Variants in CACNB4 observed in about 807,000 individuals in gnomAD.
CACNB4 encodes the protein voltage-dependent L-type calcium channel subunit beta-4.
In CACNB4, 32 loss-of-function variants were observed where a neutral mutation model predicts 71.2. The observed-to-expected ratio is 0.45, with a 90% CI of 0.34 to 0.60. The LOEUF is 0.60. Among genes scored for constraint, CACNB4 ranks in the 20% least tolerant of loss-of-function variants. The pLI is 0.01. For synonymous variants in CACNB4, 231 were observed against 236.9 expected (o/e 0.97, Z 0.23); for missense variants, 464 against 647.9 (o/e 0.72, Z 3.08).
chr2:151,952,799 C>T (rs972481577), intron 2 of CACNB4, among the ~76,000 whole-genome samples: 2 of 152,134 alleles, frequency 1.3e-5, no homozygotes, highest in Non-Finnish European at 2.9e-5. Context: ...AATTGATTCA[C>T]GTTCTGGCAC....
chr2:151,994,477 A>T (rs985139043), intron 2 of CACNB4, among the ~76,000 whole-genome samples: 20 of 149,998 alleles, frequency 1.3e-4, no homozygotes, highest in Non-Finnish European at 8.9e-5. Flanking sequence ...AAGTGCTGAG[A>T]TTACAGGCGT....
At chr2:152,078,446 GC>G (rs1687161456) in intron 2 of CACNB4, among the ~76,000 whole-genome samples, 2 of 152,302 alleles carry the variant, frequency 1.3e-5, no homozygotes, top group East Asian at 3.9e-4. Flanking sequence ...GGCATAGTCT[GC>G]ATAACTGGCT....
chr2:151,872,576 C>A (rs1047058804), intron 5 of CACNB4, 83 bp from the exon 6 acceptor site: 1 of 748,670 alleles, frequency 1.3e-6, no homozygotes, highest in Admixed American at 2.4e-5. Context: ...TTCTTTGGCC[C>A]TCATCCTATT....
intron 4 of CACNB4, among the ~76,000 whole-genome samples, chr2:151,877,495 T>G (rs2151434309): frequency 1.3e-5 from 2 of 152,334 alleles, no homozygotes; most frequent in African/African-American, 4.8e-5. Flanking sequence ...TGCACCAATG[T>G]AACTGGAACT....
intron 2 of CACNB4, among the ~76,000 whole-genome samples, chr2:152,078,281 G>C (rs1179464177): frequency 6.6e-6 from 1 of 152,198 alleles, no homozygotes; most frequent in Non-Finnish European, 1.5e-5. Flanking sequence ...GCTGCAGAGA[G>C]TATGAGGAGG....
intron 2 of CACNB4, among the ~76,000 whole-genome samples, chr2:151,991,578 T>C (rs1453382345): frequency 6.6e-6 from 1 of 151,988 alleles, no homozygotes; most frequent in Non-Finnish European, 1.5e-5. Context: ...AACTGAAAAA[T>C]GGGGTGTGAA....
intron 10 of CACNB4, chr2:151,857,008 C>G (rs769041268): frequency 3.3e-5 from 5 of 152,100 alleles, no homozygotes; most frequent in Non-Finnish European, 5.9e-5. Flanking sequence ...CCATTGTACC[C>G]GGCCTTAAAC....
At chr2:152,082,715 T>C (rs78161708) in intron 2 of CACNB4, among the ~76,000 whole-genome samples, 127 of 152,316 alleles carry the variant, frequency 8.3e-4, no homozygotes, top group African/African-American at 2.9e-3. Flanking sequence ...TCAATAGTTA[T>C]GTGGTGTCCC....
chr2:151,900,987 C>CTTTTTTTTT (rs1559961065), intron 2 of CACNB4, among the ~76,000 whole-genome samples: 2 of 88,724 alleles, frequency 2.3e-5, no homozygotes, highest in Non-Finnish European at 4.6e-5. Context: ...TTCTTTCTTT[C>CTTTTTTTTT]TTTCTTTTTT....
At chr2:151,872,153 T>A (rs1442944467) in intron 6 of CACNB4, 1 of 334,062 alleles carries the variant, frequency 3.0e-6, no homozygotes, top group Admixed American at 5.1e-5. Flanking sequence ...ATTTTTTGAA[T>A]ATCAATTTAC....
At chr2:151,891,181 G>A (rs2099850638) in intron 2 of CACNB4, among the ~76,000 whole-genome samples, 1 of 152,136 alleles carries the variant, frequency 6.6e-6, no homozygotes, top group South Asian at 2.1e-4. Flanking sequence ...GTGCTGGCTA[G>A]TTTTTGCTAT....
At chr2:151,947,494 T>C (rs1404551354) in intron 2 of CACNB4, among the ~76,000 whole-genome samples, 1 of 152,180 alleles carries the variant, frequency 6.6e-6, no homozygotes, top group African/African-American at 2.4e-5. Context: ...GACCACACTT[T>C]AAGAGTCGCT....
intron 2 of CACNB4, among the ~76,000 whole-genome samples, chr2:152,073,797 C>A (rs973800401): frequency 1.3e-5 from 2 of 152,162 alleles, no homozygotes; most frequent in African/African-American, 4.8e-5. Context: ...GCATTCCCTT[C>A]AATAACAAAT....
chr2:151,865,590 T>A (rs1179629196), intron 9 of CACNB4, among the ~76,000 whole-genome samples: 1 of 152,206 alleles, frequency 6.6e-6, no homozygotes, highest in Non-Finnish European at 1.5e-5. Flanking sequence ...TTCAGCCAGC[T>A]GAACAAACCT....
intron 2 of CACNB4, among the ~76,000 whole-genome samples, chr2:152,007,233 A>G (rs1293262200): frequency 6.6e-6 from 1 of 152,186 alleles, no homozygotes; most frequent in Non-Finnish European, 1.5e-5. Context: ...CATTTTAACC[A>G]TCCGTAAGTG....
At chr2:151,910,314 C>T (rs536777937) in intron 2 of CACNB4, among the ~76,000 whole-genome samples, 135 of 152,284 alleles carry the variant, frequency 8.9e-4, no homozygotes, top group African/African-American at 3.2e-3. Context: ...TTCTCCCATT[C>T]TGTAGGTTGC....
intron 12 of CACNB4, among the ~76,000 whole-genome samples, chr2:151,845,237 T>C (rs917128404): frequency 9.2e-5 from 14 of 152,252 alleles, no homozygotes; most frequent in African/African-American, 3.4e-4. Flanking sequence ...CAGTCATTTC[T>C]AGGAAACTGC....
intron 2 of CACNB4, among the ~76,000 whole-genome samples, chr2:151,885,163 G>C (rs2099849047): frequency 6.6e-6 from 1 of 152,150 alleles, no homozygotes; most frequent in Non-Finnish European, 1.5e-5. Flanking sequence ...TCAAGTCCTG[G>C]TTCTAAATTT....
intron 2 of CACNB4, among the ~76,000 whole-genome samples, chr2:152,019,300 G>A (rs767379376): frequency 1.3e-5 from 2 of 152,168 alleles, no homozygotes; most frequent in Non-Finnish European, 2.9e-5. Context: ...TCAGGAATAT[G>A]ATCTTATATA....
Sources: gnomAD v4.1 joint callset for allele counts (sites outside exome capture counted in the v4.1 genomes callset) on GRCh38, gnomAD v4.1.1 for gene constraint, MANE v1.5 for transcripts, NCBI Gene and HGNC (gene_info 2026-07-23, HGNC 2026-07-21) for gene names.